Variants in TMEM273 observed in about 807,000 individuals in gnomAD.
TMEM273 encodes transmembrane protein 273, also known as chromosome 10 open reading frame 128.
A neutral mutation model predicts 17.9 loss-of-function variants in TMEM273; 19 were observed. The observed-to-expected ratio is 1.06, with a 90% CI of 0.74 to 1.55. The LOEUF (loss-of-function observed/expected upper bound fraction) is 1.55. Ranked by LOEUF, TMEM273 falls within the 40% of genes most tolerant of loss-of-function variation. TMEM273 has a pLI of 0.00. For synonymous variants in TMEM273, 66 were observed against 62.0 expected (o/e 1.07, Z -0.31); for missense variants, 194 against 155.6 (o/e 1.25, Z -1.31).
At chr10:49,187,271 T>C (rs1350567156) in intron 1 of TMEM273, among the ~76,000 whole-genome samples, 4 of 152,170 alleles carry the variant, frequency 2.6e-5, no homozygotes, top group African/African-American at 9.7e-5. Flanking sequence ...AACTGATGGA[T>C]GATGTGGCTG....
chr10:49,161,533 T>C, intron 6 of TMEM273, 66 bp downstream of exon 6: 3 of 1,605,482 alleles, frequency 1.9e-6, no homozygotes, highest in Non-Finnish European at 2.6e-6. Flanking sequence ...CGAAAACCCA[T>C]GCAGCCCCAT....
rs1846012003 is a variant in TMEM273, at chr10:49,164,048, G to A, written c.348+1157C>T. On this transcript the variant is annotated intron_variant, in intron 5 of 6. Coordinates refer to ENST00000374153, the MANE Select transcript of TMEM273 (RefSeq NM_001288740.3). The stretch of plus-strand genomic sequence containing the variant: ...ACTGGAGGGTGAGACTGGGCTCTGG[G>A]TACTTTCTAAAAGCCACTAACCCTG... Among the ~76,000 whole-genome samples the A allele has an allele frequency of 2.6e-5, 4 of 152,126 alleles. No individual in the cohort carries two copies. The South Asian group carries it at 8.3e-4, about 32-fold the overall frequency.
intron 1 of TMEM273, among the ~76,000 whole-genome samples, chr10:49,177,596 G>A (rs1847068570): frequency 6.6e-6 from 1 of 152,234 alleles, no homozygotes; most frequent in South Asian, 2.1e-4. Flanking sequence ...CTCCATGCCT[G>A]AGCCTGAGTC....
intron 1 of TMEM273, among the ~76,000 whole-genome samples, chr10:49,171,436 T>C (rs142407434): frequency 2.6e-5 from 4 of 152,306 alleles, no homozygotes; most frequent in African/African-American, 9.6e-5. Context: ...GTAGCTTCCA[T>C]GTGTGGTCAG....
intron 1 of TMEM273, among the ~76,000 whole-genome samples, chr10:49,176,620 TG>T (rs1846988389): frequency 1.3e-5 from 2 of 152,344 alleles, no homozygotes; most frequent in Non-Finnish European, 2.9e-5. Context: ...CTTCAGCCTC[TG>T]GGAAGCATTG....
intron 1 of TMEM273, among the ~76,000 whole-genome samples, chr10:49,176,875 A>G (rs1420591283): frequency 6.6e-6 from 1 of 152,226 alleles, no homozygotes; most frequent in East Asian, 1.9e-4. Flanking sequence ...GCTTTTTAAG[A>G]CAATTCCTGA....
chr10:49,173,065 A>G (rs142034223), intron 1 of TMEM273, among the ~76,000 whole-genome samples: 2 of 152,310 alleles, frequency 1.3e-5, no homozygotes, highest in Non-Finnish European at 2.9e-5. Context: ...CAGAGCTGAG[A>G]GCTATGGGGC....
chr10:49,187,955 C>T (rs767601880), intron 1 of TMEM273, among the ~76,000 whole-genome samples: 4 of 152,164 alleles, frequency 2.6e-5, no homozygotes, highest in Non-Finnish European at 4.4e-5. Context: ...ATGATTATCT[C>T]CCATCTCATT....
Position 49,161,609 on chromosome 10 carries a change from A to C in TMEM273, c.362T>G (p.Phe121Cys). 6.2e-7 allele frequency: 1 copy of C among 1,614,204 alleles called. No homozygotes were observed. The highest frequency in any genetic ancestry group is 1.6e-4 in the Middle Eastern group (1 of 6,062). Residue 121 changes from phenylalanine (F) to cysteine (C), a missense_variant, in exon 6 of 7, where the codon TTT (phenylalanine) becomes TGT (cysteine). Coordinates refer to ENST00000374153, the MANE Select transcript of TMEM273 (RefSeq NM_001288740.3). Reference protein sequence around the residue: ...MEGLFKAKPQFLQKRCTGD With the variant: ...MEGLFKAKPQCLQKRCTGD The stretch of plus-strand genomic sequence containing the variant: ...ACTCTTACAACTCACCTTTTGGAGA[A>C]ATTGTGGTTTCGCCTGCAAAACAAG...
At chr10:49,181,242 C>T (rs1847324133) in intron 1 of TMEM273, among the ~76,000 whole-genome samples, 1 of 152,070 alleles carries the variant, frequency 6.6e-6, no homozygotes, top group Admixed American at 6.5e-5. Flanking sequence ...AGACACATAC[C>T]AAGTTCATGG....
At chr10:49,163,754 A>G (rs1168157240) in intron 5 of TMEM273, among the ~76,000 whole-genome samples, 3 of 152,180 alleles carry the variant, frequency 2.0e-5, no homozygotes, top group Non-Finnish European at 4.4e-5. Context: ...GCTGGGAGAC[A>G]GAGTTGATGA....
chr10:49,173,347 G>A (rs1422796266), intron 1 of TMEM273, among the ~76,000 whole-genome samples: 1 of 152,204 alleles, frequency 6.6e-6, no homozygotes, highest in Non-Finnish European at 1.5e-5. Context: ...GAGACTGGGA[G>A]ATAGGAGCAG....
chr10:49,186,663 C>A (rs1411686616), intron 1 of TMEM273, among the ~76,000 whole-genome samples: 1 of 152,216 alleles, frequency 6.6e-6, no homozygotes, highest in Admixed American at 6.5e-5. Context: ...AGGATTAATT[C>A]TTTGTCCAAG....
intron 5 of TMEM273, among the ~76,000 whole-genome samples, chr10:49,163,186 C>T (rs1052080771): frequency 2.6e-5 from 4 of 152,288 alleles, no homozygotes; most frequent in African/African-American, 9.6e-5. Context: ...TACTCTCCCG[C>T]ATCAGTGGAT....
chr10:49,174,199 T>C (rs1408827262), intron 1 of TMEM273, among the ~76,000 whole-genome samples: 1 of 152,232 alleles, frequency 6.6e-6, no homozygotes, highest in Admixed American at 6.5e-5. Context: ...ACACAAGTTA[T>C]ACTTCTTAAA....
In TMEM273 at chr10:49,182,974, T is replaced by C. The variant is rs187034143; in HGVS notation, c.43+5320A>G. Among the ~76,000 whole-genome samples the C allele has an allele frequency of 1.7e-3, 257 of 152,174 alleles. 1 individual carries two copies. Among genetic ancestry groups the C allele is most frequent in the Non-Finnish European group, 2.3e-3 (158 of 67,994 alleles). On this transcript the variant is annotated intron_variant, in intron 1 of 6. Transcript: ENST00000374153. ...AGGCAAACCCCAAGATGAGGAATGTTCTGTGGGGAAAAAAGGTGGGGTTTG... is the reference window on the plus strand; with the variant it reads ...AGGCAAACCCCAAGATGAGGAATGTCCTGTGGGGAAAAAAGGTGGGGTTTG...
In TMEM273 at chr10:49,165,273, C is replaced by G. The variant is rs930891292; in HGVS notation, c.280G>C (p.Ala94Pro). 3 of 1,550,424 alleles carry G rather than the reference C, an allele frequency of 1.9e-6. No individual in the cohort carries two copies. In the African/African-American group the frequency reaches 4.1e-5, roughly 21 times the overall value. Residue 94 changes from alanine to proline, a missense_variant, in exon 5 of 7, where the codon GCC becomes CCC. Transcript: ENST00000374153. Reference protein sequence around the residue: ...LKKRAPRKLQASTLFSFKSLL... With the variant: ...LKKRAPRKLQPSTLFSFKSLL... ...GATTTGAAGGAAAAGAGGGTCGAGG[C>G]TTGCAGCTTTCTGGCAAAGAGCATT...
rs780579871 is a variant in TMEM273, at chr10:49,161,562, C to T, written c.372+37G>A. ...GCCCCATGGGGCAGAGACTGCCTGT[C>T]CTCCTTTTAAGACAAGTGATCACTC... On this transcript the variant is annotated intron_variant, in intron 6 of 6. Coordinates refer to ENST00000374153, the MANE Select transcript of TMEM273 (RefSeq NM_001288740.3). 1.5e-5 allele frequency: 25 copies of T among 1,613,994 alleles called. No homozygotes were observed. The African/African-American group carries it at 3.2e-4, about 21-fold the overall frequency.
intron 6 of TMEM273, among the ~76,000 whole-genome samples, chr10:49,158,028 G>A (rs1386764442): frequency 6.6e-6 from 1 of 152,106 alleles, no homozygotes; most frequent in East Asian, 1.9e-4. Context: ...CAATGACCAG[G>A]TAGGAGACAT....
Sources: gnomAD v4.1 joint callset for allele counts (sites outside exome capture counted in the v4.1 genomes callset) on GRCh38, gnomAD v4.1.1 for gene constraint, MANE v1.5 for transcripts, NCBI Gene and HGNC (gene_info 2026-07-23, HGNC 2026-07-21) for gene names.